Variants in KDM4A observed in about 807,000 individuals in gnomAD.
KDM4A encodes lysine demethylase 4A.
In KDM4A, 23 loss-of-function variants were observed where a neutral mutation model predicts 127.1. The observed-to-expected ratio is 0.18, with a 90% CI of 0.13 to 0.26. The LOEUF is 0.26. KDM4A is among the 10% of genes least tolerant of loss of function. The pLI is 1.00. For synonymous variants in KDM4A, 443 were observed against 466.5 expected, an observed-to-expected ratio of 0.95 and a Z score of 0.65; for missense variants, 890 against 1,329.1, an observed-to-expected ratio of 0.67 and a Z score of 5.14.
At position 43,658,113 on chromosome 1, in the gene KDM4A, C is replaced by T. The variant is rs192644428; in HGVS notation, c.315-2185C>T. On this transcript the variant is annotated intron_variant, in intron 3 of 21. Coordinates refer to ENST00000372396, the MANE Select transcript of KDM4A (RefSeq NM_014663.3). The stretch of plus-strand genomic sequence containing the variant: ...TGAGACAGAGTCTCGCTGTGTTGCC[C>T]AGGCTGGAGTGCAGTGGCACAATCT... 6.5e-3 allele frequency among the ~76,000 whole-genome samples: 987 copies of T among 150,776 alleles called. 19 individuals carry two copies. Among genetic ancestry groups the T allele is most frequent in the African/African-American group, 0.023 (952 of 40,936 alleles).
At chr1:43,701,486 A>G (rs560533613) in intron 19 of KDM4A, among the ~76,000 whole-genome samples, 2 of 151,934 alleles carry the variant, frequency 1.3e-5, no homozygotes, top group African/African-American at 4.8e-5. Context: ...TCTTTTTTTA[A>G]ATTTTCATAG....
chr1:43,669,924 T>G (rs959386853), intron 10 of KDM4A, among the ~76,000 whole-genome samples: 4 of 152,028 alleles, frequency 2.6e-5, no homozygotes, highest in African/African-American at 9.7e-5. Flanking sequence ...AAATGCCAAG[T>G]GGGATTACAG....
At chr1:43,686,013 T>C (rs1346285981) in intron 12 of KDM4A, among the ~76,000 whole-genome samples, 2 of 152,204 alleles carry the variant, frequency 1.3e-5, no homozygotes, top group Admixed American at 6.5e-5. Flanking sequence ...CCTTAAAAGA[T>C]GACCATTTTG....
intron 12 of KDM4A, among the ~76,000 whole-genome samples, chr1:43,687,672 T>G (rs1485532117): frequency 1.3e-5 from 2 of 152,264 alleles, no homozygotes; most frequent in African/African-American, 2.4e-5. Flanking sequence ...TTATGGCGTT[T>G]CCTTTACTTC....
At chr1:43,676,986 T>C (rs1168758564) in intron 11 of KDM4A, among the ~76,000 whole-genome samples, 1 of 152,176 alleles carries the variant, frequency 6.6e-6, no homozygotes, top group Admixed American at 6.5e-5. Flanking sequence ...TCTGCTGAAG[T>C]ATTTGAAAGC....
At chr1:43,699,052 G>A (rs1661314663) in intron 19 of KDM4A, among the ~76,000 whole-genome samples, 1 of 151,334 alleles carries the variant, frequency 6.6e-6, no homozygotes, top group African/African-American at 2.4e-5. Context: ...GCCTCCCAAA[G>A]TGGTGGGATT....
At chr1:43,697,711 CTT>C in intron 18 of KDM4A, 130 bp from the exon 19 acceptor site, 2 of 860,684 alleles carry the variant, frequency 2.3e-6, no homozygotes, top group Non-Finnish European at 3.5e-6. Flanking sequence ...GCTCCCATCT[CTT>C]CTCTCCTTTT....
rs1661443882 is a variant in KDM4A at position 43,703,066 on chromosome 1, C to CCGAGTAGCTGGGA, written c.2842-549_2842-537dup. Among the ~76,000 whole-genome samples the CCGAGTAGCTGGGA allele has an allele frequency of 1.3e-4, 19 of 151,518 alleles. No homozygotes were observed. The South Asian group carries it at 4.0e-3, about 32-fold the overall frequency. ...CACACCATTCTCCTGCCTCAGACTC[C>CCGAGTAGCTGGGA]CGAGTAGCTGGGACTACAGGCGCCT... is the stretch of plus-strand genomic sequence containing the variant. On this transcript the variant is annotated intron_variant, in intron 19 of 21. Coordinates refer to ENST00000372396, the MANE Select transcript of KDM4A (RefSeq NM_014663.3).
At chr1:43,699,231 GACTACAGGCACATGCAGTC>G in intron 19 of KDM4A, among the ~76,000 whole-genome samples, 1 of 152,172 alleles carries the variant, frequency 6.6e-6, no homozygotes, top group South Asian at 2.1e-4. Flanking sequence ...AGGTAGCTGG[GACTACAGGCACATGCAGTC>G]ACACCTGGCT....
chr1:43,656,221 C>T (rs908293362), intron 3 of KDM4A, among the ~76,000 whole-genome samples: 3 of 152,114 alleles, frequency 2.0e-5, no homozygotes, highest in Admixed American at 2.0e-4. Context: ...GAGTAAACCA[C>T]CAAGCTGGTT....
intron 8 of KDM4A, among the ~76,000 whole-genome samples, chr1:43,667,497 G>C (rs1476101676): frequency 6.6e-6 from 1 of 152,150 alleles, no homozygotes; most frequent in Non-Finnish European, 1.5e-5. Flanking sequence ...ACCGTCCTGG[G>C]GGCCTAAGTG....
intron 15 of KDM4A, 21 bp from the exon 16 acceptor site, chr1:43,692,235 C>T: frequency 6.2e-7 from 1 of 1,613,292 alleles, no homozygotes; most frequent in Non-Finnish European, 8.5e-7. Flanking sequence ...CCACTTTTTC[C>T]TCCCTCTCCT....
At position 43,693,929 on chromosome 1, in the gene KDM4A, C is replaced by T; in HGVS notation, c.2376-65C>T. 2 of 1,382,808 alleles carry T rather than the reference C, an allele frequency of 1.4e-6. No homozygotes were observed. Among genetic ancestry groups the T allele is most frequent in the Non-Finnish European group, 1.0e-6 (1 of 975,060 alleles). 85.7% of individuals were successfully genotyped at this position (1,382,808 alleles called of 1,614,324 possible). ...GAGGGAGGAAGCGCTGTCAGCAGGC[C>T]CAAAAGAGAAGGCCACAGAGCCTTG... On this transcript the variant is annotated intron_variant, in intron 16 of 21. Coordinates refer to ENST00000372396, the MANE Select transcript of KDM4A (RefSeq NM_014663.3). This position sits in a 1 kb window ranked among gnomAD's most constrained non-coding sequence, Gnocchi z 4.2.
intron 3 of KDM4A, among the ~76,000 whole-genome samples, chr1:43,658,371 T>G (rs189087218): frequency 1.9e-3 from 286 of 151,300 alleles, no homozygotes; most frequent in Non-Finnish European, 2.7e-3. Flanking sequence ...GTGCCCAACC[T>G]AAAAACCTAA....
intron 4 of KDM4A, among the ~76,000 whole-genome samples, 194 bp downstream of exon 4, chr1:43,660,606 G>A (rs2154046682): frequency 6.6e-6 from 1 of 152,270 alleles, no homozygotes; most frequent in East Asian, 1.9e-4. Flanking sequence ...TATTTCTCCT[G>A]CTTTACATGT....
intron 5 of KDM4A, among the ~76,000 whole-genome samples, chr1:43,664,747 C>T (rs1660462199): frequency 6.6e-6 from 1 of 152,162 alleles, no homozygotes; most frequent in Non-Finnish European, 1.5e-5. Flanking sequence ...GCTTTTGTGT[C>T]TTCACCATTG....
intron 10 of KDM4A, among the ~76,000 whole-genome samples, chr1:43,670,804 G>A (rs1467178108): frequency 1.3e-5 from 2 of 152,002 alleles, no homozygotes; most frequent in East Asian, 1.9e-4. Context: ...ATCGTGATCC[G>A]CCCACCTCAG....
At chr1:43,664,108 A>G (rs669446) in intron 5 of KDM4A, among the ~76,000 whole-genome samples, 112,419 of 152,126 alleles carry the variant, frequency 0.74, 42,644 homozygotes, top group African/African-American at 0.91. Context: ...CCACATAAGA[A>G]GGATAGATGG....
intron 11 of KDM4A, among the ~76,000 whole-genome samples, chr1:43,681,060 A>G (rs932459834): frequency 2.0e-5 from 3 of 151,988 alleles, no homozygotes; most frequent in African/African-American, 7.3e-5. Flanking sequence ...CTATGATCTC[A>G]TTTTTCCCTT....
Sources: gnomAD v4.1 joint callset for allele counts (sites outside exome capture counted in the v4.1 genomes callset) on GRCh38, gnomAD v4.1.1 for gene constraint, Gnocchi (gnomAD v3.1) non-coding constraint, MANE v1.5 for transcripts, NCBI Gene and HGNC (gene_info 2026-07-23, HGNC 2026-07-21) for gene names.